GRID2: variants seen among roughly 807,000 people sequenced by gnomAD.
GRID2 encodes the protein glutamate ionotropic receptor delta type subunit 2.
A neutral mutation model predicts 114.8 loss-of-function variants in GRID2; 33 were observed. That is an observed-to-expected ratio of 0.29 (90% CI 0.22 to 0.38). The LOEUF (loss-of-function observed/expected upper bound fraction) is 0.38, where lower values mean the gene tolerates loss of function less well. Ranked by LOEUF, GRID2 falls within the 10% of genes least tolerant of loss-of-function variation. GRID2 has a pLI of 1.00. For synonymous variants in GRID2, 505 were observed against 449.9 expected (o/e 1.12, Z -1.55); for missense variants, 1,184 against 1,257.7 (o/e 0.94, Z 0.89).
At chr4:93,438,410 T>A (rs1446738896) in intron 10 of GRID2, among the ~76,000 whole-genome samples, 2 of 152,126 alleles carry the variant, frequency 1.3e-5, no homozygotes, top group African/African-American at 2.4e-5. Context: ...GGGATAATTA[T>A]AAAAGCATGT....
intron 2 of GRID2, among the ~76,000 whole-genome samples, chr4:92,613,566 TATTCA>T (rs990232565): frequency 2.7e-4 from 41 of 151,536 alleles, no homozygotes; most frequent in African/African-American, 9.7e-4. Context: ...GATTTTGCAT[TATTCA>T]ATTATTTACT....
intron 2 of GRID2, among the ~76,000 whole-genome samples, chr4:92,628,408 G>T (rs552365020): frequency 6.6e-6 from 1 of 152,086 alleles, no homozygotes; most frequent in African/African-American, 2.4e-5. Context: ...GTCTGGACTG[G>T]AGTGCAGTGG....
intron 4 of GRID2, among the ~76,000 whole-genome samples, chr4:93,120,509 AC>A (rs1312340134): frequency 6.6e-6 from 1 of 151,920 alleles, no homozygotes; most frequent in Non-Finnish European, 1.5e-5. Context: ...AAAACCAAAT[AC>A]CCCATGTTCT....
At chr4:92,914,017 G>C (rs1748589261) in intron 2 of GRID2, among the ~76,000 whole-genome samples, 1 of 151,936 alleles carries the variant, frequency 6.6e-6, no homozygotes, top group Admixed American at 6.6e-5. Context: ...GAAATGGTTT[G>C]GTCCAAAATA....
intron 13 of GRID2, among the ~76,000 whole-genome samples, chr4:93,599,624 G>A (rs558324638): frequency 2.0e-5 from 3 of 152,130 alleles, no homozygotes; most frequent in Non-Finnish European, 4.4e-5. Context: ...ACAGAAAAAT[G>A]TTATGTTCTG....
At chr4:93,162,546 C>A (rs1233937224) in intron 4 of GRID2, among the ~76,000 whole-genome samples, 1 of 151,850 alleles carries the variant, frequency 6.6e-6, no homozygotes, top group Non-Finnish European at 1.5e-5. Context: ...TTTTTAACAA[C>A]TTTATAATTT....
At chr4:93,012,193 T>C (rs547182815) in intron 2 of GRID2, among the ~76,000 whole-genome samples, 7 of 152,174 alleles carry the variant, frequency 4.6e-5, no homozygotes, top group Admixed American at 3.3e-4. Flanking sequence ...CTTCCAATTT[T>C]TTCATTCTAG....
chr4:93,630,442 G>A (rs1021904892), intron 14 of GRID2, among the ~76,000 whole-genome samples: 7 of 152,146 alleles, frequency 4.6e-5, no homozygotes, highest in African/African-American at 1.7e-4. Context: ...TCTTAACAAT[G>A]CAGAAAGCTA....
intron 14 of GRID2, among the ~76,000 whole-genome samples, chr4:93,691,102 G>C (rs1184178208): frequency 1.3e-5 from 2 of 151,244 alleles, no homozygotes; most frequent in African/African-American, 4.8e-5. Context: ...TTAATATCAG[G>C]TTATTTTATT....
chr4:92,925,059 A>T (rs1013579541), intron 2 of GRID2, among the ~76,000 whole-genome samples: 1 of 152,148 alleles, frequency 6.6e-6, no homozygotes, highest in African/African-American at 2.4e-5. Context: ...GCAAGGGTCC[A>T]GAATAAAATA....
intron 2 of GRID2, among the ~76,000 whole-genome samples, chr4:93,007,136 A>G (rs1721620791): frequency 6.6e-6 from 1 of 152,100 alleles, no homozygotes; most frequent in South Asian, 2.1e-4. Flanking sequence ...ACAGAAGAAT[A>G]GATTCTAATG....
At chr4:92,984,200 C>T (rs1754375619) in intron 2 of GRID2, among the ~76,000 whole-genome samples, 1 of 152,122 alleles carries the variant, frequency 6.6e-6, no homozygotes, top group Non-Finnish European at 1.5e-5. Context: ...ATGTACTTGT[C>T]TCTTTTTTCT....
chr4:92,428,130 G>C (rs748354402), intron 1 of GRID2, among the ~76,000 whole-genome samples: 4 of 151,878 alleles, frequency 2.6e-5, no homozygotes, highest in Non-Finnish European at 5.9e-5. Flanking sequence ...GGCGTGGTGA[G>C]GGGTGCCTGT....
intron 14 of GRID2, among the ~76,000 whole-genome samples, chr4:93,647,739 G>T (rs1314241818): frequency 1.3e-5 from 2 of 152,114 alleles, no homozygotes; most frequent in East Asian, 3.9e-4. Flanking sequence ...AATGTTGGAA[G>T]GTATACTATA....
chr4:92,554,949 A>G (rs1420730000), intron 1 of GRID2, among the ~76,000 whole-genome samples: 1 of 152,122 alleles, frequency 6.6e-6, no homozygotes, highest in African/African-American at 2.4e-5. Flanking sequence ...GCTCGTCAGT[A>G]AAGGCAACTA....
At chr4:93,402,370 T>C (rs1302027047) in intron 9 of GRID2, among the ~76,000 whole-genome samples, 1 of 152,152 alleles carries the variant, frequency 6.6e-6, no homozygotes, top group African/African-American at 2.4e-5. Flanking sequence ...GGGTTACTAC[T>C]ATATTAACTG....
intron 2 of GRID2, among the ~76,000 whole-genome samples, chr4:92,930,542 A>C (rs1298962520): frequency 2.0e-5 from 3 of 150,406 alleles, no homozygotes; most frequent in Non-Finnish European, 4.5e-5. Flanking sequence ...AGATTTAGGC[A>C]ATTGGAAAGA....
intron 8 of GRID2, among the ~76,000 whole-genome samples, chr4:93,344,835 A>G (rs1321041019): frequency 6.6e-6 from 1 of 151,750 alleles, no homozygotes. Context: ...TATGAATTTG[A>G]TATCTTTTAG....
chr4:93,656,858 C>A (rs796078259), intron 14 of GRID2, among the ~76,000 whole-genome samples: 15,126 of 71,906 alleles, frequency 0.21, 991 homozygotes, highest in Middle Eastern at 0.33. Flanking sequence ...AAAAAAAAAA[C>A]AAATAATTCC....
Sources: gnomAD v4.1 joint callset for allele counts (sites outside exome capture counted in the v4.1 genomes callset) on GRCh38, gnomAD v4.1.1 for gene constraint, MANE v1.5 for transcripts, NCBI Gene and HGNC (gene_info 2026-07-23, HGNC 2026-07-21) for gene names.